Variants in SHPRH observed in about 807,000 individuals in gnomAD.
SHPRH encodes SNF2 histone linker PHD RING helicase.
In SHPRH, 106 loss-of-function variants were observed where a neutral mutation model predicts 202.5. The ratio of observed to expected loss-of-function variants is 0.52; its 90% CI spans 0.45 to 0.62. The LOEUF is 0.62. SHPRH is among the 20% of genes least tolerant of loss of function. The pLI is 0.00. For missense variants in SHPRH, 1,710 were observed against 2,020.0 expected (o/e 0.85, Z 2.94); for synonymous variants, 729 against 686.0 (o/e 1.06, Z -0.98).
chr6:145,927,839 C>T (rs1785026083), intron 14 of SHPRH, among the ~76,000 whole-genome samples: 1 of 152,070 alleles, frequency 6.6e-6, no homozygotes, highest in South Asian at 2.1e-4. Flanking sequence ...GGATCTCCCT[C>T]TTCTTCTGGT....
chr6:145,886,557 A>G lies in SHPRH; in HGVS notation c.*134T>C. Reference sequence around the variant, plus strand: ...ATAAGTACTAAGCCACTGTATAACCAGAACAATAAACAAATTCATTCAACT... The same window carrying G: ...ATAAGTACTAAGCCACTGTATAACCGGAACAATAAACAAATTCATTCAACT... On this transcript the variant is annotated 3_prime_UTR_variant, in exon 30 of 30. Transcript: ENST00000275233. 6.8e-7 allele frequency: 1 copy of G among 1,471,646 alleles called. No individual in the cohort carries two copies. The highest frequency in any genetic ancestry group is 9.1e-7 in the Non-Finnish European group (1 of 1,096,392). 91.2% of individuals were successfully genotyped at this position (1,471,646 alleles called of 1,614,324 possible).
intron 25 of SHPRH, among the ~76,000 whole-genome samples, chr6:145,896,777 A>G (rs986414381): frequency 6.6e-6 from 1 of 152,120 alleles, no homozygotes; most frequent in Non-Finnish European, 1.5e-5. Flanking sequence ...TAGAAATTAA[A>G]TAACATGCTC....
chr6:145,891,116 A>G (rs1562287895), intron 28 of SHPRH, among the ~76,000 whole-genome samples: 1 of 152,016 alleles, frequency 6.6e-6, no homozygotes, highest in Non-Finnish European at 1.5e-5. Flanking sequence ...AAGCCTTCCA[A>G]TGGCTCCCGA....
At chr6:145,898,511 T>C (rs1256557699) in intron 25 of SHPRH, among the ~76,000 whole-genome samples, 3 of 152,150 alleles carry the variant, frequency 2.0e-5, no homozygotes, top group African/African-American at 7.2e-5. Context: ...TGAAATTTGA[T>C]ACCCAGCGTG....
Position 145,943,789 on chromosome 6 carries a change from G to T in SHPRH, c.1592C>A (p.Pro531Gln). The change falls in exon 9 of 30, where the codon CCA becomes CAA. Residue 531 changes from proline to glutamine, a missense_variant. Pro to Gln is a moderately conservative substitution (Grantham distance 76). Transcript: ENST00000275233. ...DKTKKQAVGS[P>Q]RKIQKETRKS... ...TCTAGTTTCTTTCTGAATTTTCCTT[G>T]GACTCCCTACTGCCTATGAAAAAAA... The T allele has an allele frequency of 6.3e-7, 1 of 1,583,376 alleles. No homozygotes were observed. Among genetic ancestry groups the T allele is most frequent in the Non-Finnish European group, 8.5e-7 (1 of 1,170,404 alleles).
chr6:145,955,276 T>C lies in SHPRH; in HGVS notation c.47A>G (p.Glu16Gly). ...ATTCCAATGAAGCTGCTGCCTCTTT[T>C]CCTCATCTACCCTCACTGGAGGAGC... ...KRAPPVRVDE[E>G]KRQQLHWNMH... The change falls in exon 2 of 30, where the codon GAA becomes GGA. Residue 16 changes from glutamate (E) to glycine (G), a missense_variant. Physicochemically the swap from Glu to Gly is moderately conservative, Grantham distance 98 (BLOSUM62 -2). Coordinates refer to ENST00000275233, the MANE Select transcript of SHPRH (RefSeq NM_001042683.3). 6.2e-7 allele frequency: 1 copy of C among 1,610,810 alleles called. No individual in the cohort carries two copies. Among genetic ancestry groups the C allele is most frequent in the East Asian group, 2.2e-5 (1 of 44,876 alleles).
Position 145,922,274 on chromosome 6 carries a change from T to C in SHPRH, c.3782+12A>G, listed in dbSNP as rs368232741. 6.3e-6 allele frequency: 10 copies of C among 1,581,586 alleles called. No homozygotes were observed. Among genetic ancestry groups the C allele is most frequent in the African/African-American group, 2.8e-5 (2 of 71,794 alleles). On this transcript the variant is annotated intron_variant, in intron 20 of 29. Coordinates refer to ENST00000275233, the MANE Select transcript of SHPRH (RefSeq NM_001042683.3). ...ATTTTCTTGATGGGTAATAATCAAA[T>C]AGAGAACTTACGTGTTGGAAAATAG...
chr6:145,878,763 CT>C (rs1780421850), intron 2 of SHPRH, among the ~76,000 whole-genome samples: 1 of 152,176 alleles, frequency 6.6e-6, no homozygotes, highest in East Asian at 1.9e-4. Flanking sequence ...TTCCTTTCTA[CT>C]TGAGATTCAC....
At chr6:145,950,092 T>C (rs1787820636) in intron 4 of SHPRH, among the ~76,000 whole-genome samples, 172 bp downstream of exon 4, 1 of 152,150 alleles carries the variant, frequency 6.6e-6, no homozygotes, top group African/African-American at 2.4e-5. Context: ...ACTCACAAAT[T>C]CATTTTTCTA....
intron 2 of SHPRH, among the ~76,000 whole-genome samples, chr6:145,953,570 T>C (rs1430744932): frequency 6.6e-6 from 1 of 152,114 alleles, no homozygotes; most frequent in African/African-American, 2.4e-5. Context: ...CTCCTTTCCT[T>C]CTGACAATTC....
intron 2 of SHPRH, among the ~76,000 whole-genome samples, chr6:145,877,324 T>C (rs969659071): frequency 3.3e-5 from 5 of 152,220 alleles, no homozygotes; most frequent in African/African-American, 1.2e-4. Flanking sequence ...CAAAACTTGT[T>C]ATTGTCTATC....
intron 25 of SHPRH, chr6:145,906,992 T>C (rs1466138802): frequency 6.6e-6 from 1 of 152,272 alleles, no homozygotes; most frequent in South Asian, 2.1e-4. Context: ...CCCAACTTGA[T>C]TCAATCTTTT....
intron 25 of SHPRH, chr6:145,906,922 T>A (rs140296760): frequency 6.6e-6 from 1 of 152,272 alleles, no homozygotes; most frequent in Non-Finnish European, 1.5e-5. Flanking sequence ...GTGGTCTTTG[T>A]TGCCAGCGTA....
intron 9 of SHPRH, 137 bp downstream of exon 9, chr6:145,943,006 A>C (rs1378731953): frequency 9.8e-7 from 1 of 1,025,348 alleles, no homozygotes; most frequent in East Asian, 2.6e-5. Flanking sequence ...TTTTTTCTTT[A>C]AGCTTTGATT....
downstream of SHPRH, chr6:145,884,580 TAGAG>T (rs1398377372): frequency 6.6e-6 from 1 of 152,130 alleles, no homozygotes; most frequent in African/African-American, 2.4e-5. Flanking sequence ...TATAAAATAA[TAGAG>T]AAAGAAAACT....
chr6:145,945,141 A>C (rs1156397865), intron 8 of SHPRH, among the ~76,000 whole-genome samples: 1 of 152,194 alleles, frequency 6.6e-6, no homozygotes, highest in Non-Finnish European at 1.5e-5. Context: ...CTCAATAAAT[A>C]TCTGAGTATT....
At chr6:145,944,982 C>T (rs1357010331) in intron 8 of SHPRH, among the ~76,000 whole-genome samples, 2 of 152,064 alleles carry the variant, frequency 1.3e-5, no homozygotes, top group Non-Finnish European at 2.9e-5. Context: ...GACAGCTTGG[C>T]ACAGGAGTTC....
chr6:145,955,234 C>T lies in SHPRH; in HGVS notation c.89G>A (p.Arg30Lys), dbSNP rs201693394. 281 of 1,613,418 alleles carry T rather than the reference C, an allele frequency of 1.7e-4. 2 individuals carry two copies. The highest frequency in any genetic ancestry group is 4.3e-4 in the Admixed American group (26 of 60,000). Reference sequence around the variant, plus strand: ...ATCACTTATGATGATAGGTTCATTCCTTCTGTCCTCATGCATATTCCAATG... The same window carrying T: ...ATCACTTATGATGATAGGTTCATTCTTTCTGTCCTCATGCATATTCCAATG... ...QLHWNMHEDR[R>K]NEPIIISDDD... is the part of the protein sequence containing the mutation. Residue 30 changes from arginine (R) to lysine (K), a missense_variant, in exon 2 of 30, where the codon AGG becomes AAG. Physicochemically the swap from Arg to Lys is conservative, Grantham distance 26. Transcript: ENST00000275233.
chr6:145,961,838 A>G lies in SHPRH; in HGVS notation c.-33+1893T>C, dbSNP rs1789122002. Among the ~76,000 whole-genome samples, 2 of 152,204 alleles carry G rather than the reference A, an allele frequency of 1.3e-5. 1 individual carries two copies. The highest frequency in any genetic ancestry group is 4.1e-4 in the South Asian group (2 of 4,830). On this transcript the variant is annotated intron_variant, in intron 1 of 29. Coordinates refer to ENST00000275233, the MANE Select transcript of SHPRH (RefSeq NM_001042683.3). Reference sequence around the variant, plus strand: ...AACAAAAAGCTCCTGGTTTTGACTGAGTCTTTACTTAAGGAAATCTCTATT... The same window carrying G: ...AACAAAAAGCTCCTGGTTTTGACTGGGTCTTTACTTAAGGAAATCTCTATT...
Sources: gnomAD v4.1 joint callset for allele counts (sites outside exome capture counted in the v4.1 genomes callset) on GRCh38, gnomAD v4.1.1 for gene constraint, MANE v1.5 for transcripts, NCBI Gene and HGNC (gene_info 2026-07-23, HGNC 2026-07-21) for gene names.